The following OXR1 variants were observed in gnomAD, a reference collection of about 807,000 sequenced individuals.
The protein encoded by OXR1 is oxidation resistance 1.
OXR1 carries 41 observed loss-of-function variants against 104.6 expected under a neutral mutation model. The ratio of observed to expected loss-of-function variants is 0.39; its 90% CI spans 0.31 to 0.51. OXR1 has a LOEUF of 0.51. Ranked by LOEUF, OXR1 falls within the 20% of genes least tolerant of loss-of-function variation. The probability of loss-of-function intolerance (pLI) is 0.77; values close to 1 mark genes in which losing one functional copy is unlikely to be tolerated. For synonymous variants in OXR1, 348 were observed against 348.4 expected (o/e 1.00, Z 0.01); for missense variants, 955 against 1,031.9 (o/e 0.93, Z 1.02).
chr8:106,304,459 G>A (rs578237022), intron 1 of OXR1, among the ~76,000 whole-genome samples: 141 of 152,152 alleles, frequency 9.3e-4, no homozygotes, highest in African/African-American at 3.2e-3. Context: ...TTGTTTTAAA[G>A]GCTCTAAGCC....
intron 2 of OXR1, among the ~76,000 whole-genome samples, chr8:106,512,027 T>C: frequency 6.6e-6 from 1 of 152,234 alleles, no homozygotes; most frequent in Non-Finnish European, 1.5e-5. Context: ...ATGTTCATGT[T>C]TGCTTTTTCA....
chr8:106,605,717 T>C (rs1351469655), intron 3 of OXR1, among the ~76,000 whole-genome samples: 1 of 151,334 alleles, frequency 6.6e-6, no homozygotes, highest in Non-Finnish European at 1.5e-5. Flanking sequence ...GAGAATCACA[T>C]GAACCCGGGA....
chr8:106,513,267 T>C (rs915885403), intron 2 of OXR1, among the ~76,000 whole-genome samples: 1 of 152,150 alleles, frequency 6.6e-6, no homozygotes, highest in South Asian at 2.1e-4. Context: ...TGAAATGGGA[T>C]TGAACCCTAT....
chr8:106,372,083 A>G (rs900523369), intron 2 of OXR1, among the ~76,000 whole-genome samples: 13 of 152,242 alleles, frequency 8.5e-5, no homozygotes, highest in African/African-American at 3.1e-4. Context: ...AGGCTTAGGC[A>G]GATTCCAGCT....
At chr8:106,697,578 A>C in intron 7 of OXR1, 2 of 1,611,278 alleles carry the variant, frequency 1.2e-6, no homozygotes, top group Non-Finnish European at 1.7e-6. Flanking sequence ...TGGGATCCCC[A>C]GAGAAGAGCC....
chr8:106,600,428 C>A (rs148129407), intron 3 of OXR1, among the ~76,000 whole-genome samples: 1 of 152,182 alleles, frequency 6.6e-6, no homozygotes, highest in Admixed American at 6.5e-5. Context: ...GCACTCCTAC[C>A]AGTGGCCATT....
chr8:106,509,126 C>G (rs1025564951), intron 2 of OXR1, among the ~76,000 whole-genome samples: 9 of 152,166 alleles, frequency 5.9e-5, no homozygotes, highest in African/African-American at 2.2e-4. Context: ...TAGCGTGTTA[C>G]AAATCACTCC....
chr8:106,550,407 AG>A (rs973198900), intron 3 of OXR1, among the ~76,000 whole-genome samples: 18 of 152,160 alleles, frequency 1.2e-4, no homozygotes, highest in African/African-American at 3.4e-4. Flanking sequence ...TCATGGTGGA[AG>A]GGGGTAAGAC....
chr8:106,547,406 C>T (rs1259124931), intron 3 of OXR1, among the ~76,000 whole-genome samples: 1 of 151,658 alleles, frequency 6.6e-6, no homozygotes, highest in Non-Finnish European at 1.5e-5. Flanking sequence ...AGCATTTGTT[C>T]ATTTGTAACT....
At chr8:106,396,311 G>A (rs1433150840) in intron 2 of OXR1, among the ~76,000 whole-genome samples, 1 of 151,900 alleles carries the variant, frequency 6.6e-6, no homozygotes, top group Non-Finnish European at 1.5e-5. Flanking sequence ...GACACACACC[G>A]CCTGAGCCAA....
chr8:106,352,438 A>C (rs1815765410), intron 1 of OXR1, among the ~76,000 whole-genome samples: 1 of 152,202 alleles, frequency 6.6e-6, no homozygotes, highest in Non-Finnish European at 1.5e-5. Context: ...TAGAATTTAA[A>C]ATGTGCATAG....
chr8:106,679,063 T>C (rs1827886685), intron 3 of OXR1, 147 bp from the exon 4 acceptor site: 1 of 450,400 alleles, frequency 2.2e-6, no homozygotes, highest in Non-Finnish European at 4.0e-6. Context: ...TTTTTGACAG[T>C]TGCTTGATTT....
chr8:106,683,758 A>C (rs528223797), intron 5 of OXR1, among the ~76,000 whole-genome samples: 2 of 152,294 alleles, frequency 1.3e-5, no homozygotes, highest in South Asian at 4.1e-4. Context: ...TCACAGTTCT[A>C]GTTCAGACTT....
At chr8:106,350,738 T>C (rs17251720) in intron 1 of OXR1, among the ~76,000 whole-genome samples, 4,853 of 152,276 alleles carry the variant, frequency 0.032, 132 homozygotes, top group Non-Finnish European at 0.046. Context: ...AAGCATTTAT[T>C]TGGGATACAT....
At chr8:106,729,409 ATATTATT>A (rs1833665733) in intron 11 of OXR1, among the ~76,000 whole-genome samples, 1 of 152,018 alleles carries the variant, frequency 6.6e-6, no homozygotes, top group African/African-American at 2.4e-5. Context: ...TACTTTATAC[ATATTATT>A]TATTTCTCAT....
At chr8:106,313,324 G>A (rs1002990659) in intron 1 of OXR1, among the ~76,000 whole-genome samples, 1 of 152,124 alleles carries the variant, frequency 6.6e-6, no homozygotes, top group East Asian at 1.9e-4. Context: ...CTTTTAGGGG[G>A]TAAGGGAGTG....
chr8:106,451,981 G>C (rs1016012434), intron 2 of OXR1, among the ~76,000 whole-genome samples: 1 of 152,116 alleles, frequency 6.6e-6, no homozygotes, highest in Non-Finnish European at 1.5e-5. Flanking sequence ...GAGATGATTT[G>C]GGGAGCGGGA....
intron 3 of OXR1, among the ~76,000 whole-genome samples, chr8:106,630,491 T>C (rs1476571842): frequency 6.6e-6 from 1 of 152,230 alleles, no homozygotes; most frequent in Non-Finnish European, 1.5e-5. Flanking sequence ...TACTATGTTG[T>C]TGTGTTTTAT....
At chr8:106,289,941 C>T (rs1157521990) in intron 1 of OXR1, among the ~76,000 whole-genome samples, 2 of 152,138 alleles carry the variant, frequency 1.3e-5, no homozygotes, top group African/African-American at 4.8e-5. Flanking sequence ...CTTCTCCTTG[C>T]TACTGCCATG....
Sources: allele counts gnomAD v4.1 joint callset (sites outside exome capture counted in the v4.1 genomes callset), GRCh38; gene constraint gnomAD v4.1.1; transcripts MANE v1.5; gene names NCBI Gene and HGNC (gene_info 2026-07-23, HGNC 2026-07-21).